The following PSMA3 variants were observed in gnomAD, a reference collection of about 807,000 sequenced individuals.
The protein encoded by PSMA3 is proteasome 20S subunit alpha 3.
Under a neutral mutation model 40.0 loss-of-function variants are expected in PSMA3, and 8 were observed. The observed-to-expected ratio is 0.20, with a 90% CI of 0.12 to 0.36. The LOEUF (loss-of-function observed/expected upper bound fraction) is 0.36. Ranked by LOEUF, PSMA3 falls within the 10% of genes least tolerant of loss-of-function variation. PSMA3 has a pLI of 1.00. For missense variants in PSMA3, 219 were observed against 310.6 expected (o/e 0.70, Z 2.22); for synonymous variants, 110 against 100.0 (o/e 1.10, Z -0.59).
chr14:58,264,359 C>T (rs1400446281), intron 7 of PSMA3, among the ~76,000 whole-genome samples: 1 of 152,202 alleles, frequency 6.6e-6, no homozygotes, highest in Non-Finnish European at 1.5e-5. Flanking sequence ...GGCATAAAGC[C>T]TACACTCTTA....
At chr14:58,269,613 T>C (rs910835735) in intron 8 of PSMA3, 1 of 151,824 alleles carries the variant, frequency 6.6e-6, no homozygotes, top group Non-Finnish European at 1.5e-5. Context: ...TTTGTATTTT[T>C]AGTAGAGACG....
chr14:58,247,695 T>C, intron 1 of PSMA3, 55 bp from the exon 2 acceptor site: 6 of 1,206,034 alleles, frequency 5.0e-6, no homozygotes, highest in Non-Finnish European at 7.2e-6. Flanking sequence ...GGGAAGAAAC[T>C]GTATGGTCAT....
chr14:58,265,949 T>C (rs1460266949), intron 7 of PSMA3: 3 of 152,170 alleles, frequency 2.0e-5, no homozygotes, highest in African/African-American at 4.8e-5. Context: ...AGGCGTAATA[T>C]TGGATCCCTA....
At chr14:58,253,856 A>C in intron 3 of PSMA3, among the ~76,000 whole-genome samples, 1 of 152,224 alleles carries the variant, frequency 6.6e-6, no homozygotes, top group East Asian at 1.9e-4. Flanking sequence ...GGCCTCCCAA[A>C]GTGCTGGGAT....
chr14:58,253,509 C>T (rs1452660984), intron 3 of PSMA3, among the ~76,000 whole-genome samples: 2 of 152,142 alleles, frequency 1.3e-5, no homozygotes, highest in African/African-American at 2.4e-5. Context: ...AACCATAAAG[C>T]TAATTTTTTT....
At chr14:58,247,566 C>T (rs949697638) in intron 1 of PSMA3, among the ~76,000 whole-genome samples, 184 bp from the exon 2 acceptor site, 10 of 152,168 alleles carry the variant, frequency 6.6e-5, no homozygotes, top group Admixed American at 3.9e-4. Flanking sequence ...TAGCTGAAAT[C>T]GAAGGTATAT....
intron 2 of PSMA3, among the ~76,000 whole-genome samples, chr14:58,251,003 G>A (rs992215763): frequency 6.6e-6 from 1 of 152,034 alleles, no homozygotes; most frequent in African/African-American, 2.4e-5. Flanking sequence ...AAGTTGTGCC[G>A]GTAGTCCCAG....
At chr14:58,267,749 C>A in intron 8 of PSMA3, 1 of 747,472 alleles carries the variant, frequency 1.3e-6, no homozygotes, top group Non-Finnish European at 1.7e-6. Flanking sequence ...AAATAAACTC[C>A]TGTTACAGGT....
chr14:58,265,431 A>G (rs1459449133), intron 7 of PSMA3: 1 of 152,202 alleles, frequency 6.6e-6, no homozygotes, highest in Non-Finnish European at 1.5e-5. Flanking sequence ...GCTGTGAATC[A>G]GGTGTTGCAA....
At chr14:58,251,090 T>G (rs1049180397) in intron 2 of PSMA3, among the ~76,000 whole-genome samples, 2 of 152,050 alleles carry the variant, frequency 1.3e-5, no homozygotes, top group Non-Finnish European at 2.9e-5. Flanking sequence ...AAGACTCCAT[T>G]TCTTTAAAAT....
intron 3 of PSMA3, among the ~76,000 whole-genome samples, chr14:58,256,843 G>A (rs909118659): frequency 2.0e-4 from 30 of 152,032 alleles, no homozygotes; most frequent in Non-Finnish European, 4.4e-4. Flanking sequence ...TTTGGGCCGG[G>A]CACGGCGGCT....
intron 9 of PSMA3, 72 bp from the exon 10 acceptor site, chr14:58,270,862 C>T: frequency 7.8e-7 from 1 of 1,277,580 alleles, no homozygotes; most frequent in Non-Finnish European, 1.1e-6. Flanking sequence ...TTGGGTAGAT[C>T]CTATGGTATA....
chr14:58,269,117 T>C (rs768593752), intron 8 of PSMA3, among the ~76,000 whole-genome samples: 8 of 152,114 alleles, frequency 5.3e-5, no homozygotes, highest in African/African-American at 1.9e-4. Flanking sequence ...GTATTTTTAG[T>C]AGAGACAGGC....
chr14:58,247,265 C>G (rs1462974841), intron 1 of PSMA3, among the ~76,000 whole-genome samples: 1 of 152,128 alleles, frequency 6.6e-6, no homozygotes, highest in Admixed American at 6.5e-5. Context: ...ACTGCTGTAC[C>G]TCTAGCACCT....
intron 3 of PSMA3, among the ~76,000 whole-genome samples, chr14:58,257,220 G>A (rs1890165182): frequency 1.3e-5 from 2 of 151,950 alleles, no homozygotes; most frequent in Admixed American, 6.6e-5. Context: ...AATATTGGCC[G>A]GGCACGGTGG....
intron 6 of PSMA3, 182 bp from the exon 7 acceptor site, chr14:58,263,523 T>C (rs1890342576): frequency 2.2e-6 from 1 of 459,572 alleles, no homozygotes; most frequent in African/African-American, 2.0e-5. Context: ...TTTGGAATTG[T>C]TTGGTATTTT....
At chr14:58,267,733 T>C in intron 8 of PSMA3, 1 of 904,982 alleles carries the variant, frequency 1.1e-6, no homozygotes, top group African/African-American at 1.7e-5. Context: ...GAAAAATAGC[T>C]TGACAAAATA....
At chr14:58,267,877 A>C (rs1890493702) in intron 8 of PSMA3, 2 of 159,306 alleles carry the variant, frequency 1.3e-5, no homozygotes, top group African/African-American at 4.8e-5. Context: ...CAAACTTTAT[A>C]GGTTACAACT....
At chr14:58,265,887 A>C (rs1468074100) in intron 7 of PSMA3, 1 of 152,214 alleles carries the variant, frequency 6.6e-6, no homozygotes, top group Admixed American at 6.5e-5. Flanking sequence ...GTTAGACTTC[A>C]GTTAACCACT....
Sources: allele counts gnomAD v4.1 joint callset (sites outside exome capture counted in the v4.1 genomes callset), GRCh38; gene constraint gnomAD v4.1.1; transcripts MANE v1.5; gene names NCBI Gene and HGNC (gene_info 2026-07-23, HGNC 2026-07-21).